PPP2R3A: variants seen among roughly 807,000 people sequenced by gnomAD.
PPP2R3A encodes the protein serine/threonine-protein phosphatase 2A regulatory subunit B'' subunit alpha.
In PPP2R3A, 80 loss-of-function variants were observed where a neutral mutation model predicts 106.9. The observed-to-expected ratio is 0.75, with a 90% CI of 0.62 to 0.90. PPP2R3A has a LOEUF of 0.90. Among genes scored for constraint, PPP2R3A ranks in the 40% least tolerant of loss-of-function variants. The probability of loss-of-function intolerance (pLI) is 0.00; values close to 1 mark genes in which losing one functional copy is unlikely to be tolerated. For synonymous variants in PPP2R3A, 483 were observed against 468.3 expected, an observed-to-expected ratio of 1.03 and a Z score of -0.41; for missense variants, 1,386 against 1,350.4, an observed-to-expected ratio of 1.03 and a Z score of -0.41.
intron 13 of PPP2R3A, among the ~76,000 whole-genome samples, chr3:136,132,392 G>T (rs1246493907): frequency 1.3e-5 from 2 of 152,108 alleles, no homozygotes; most frequent in Non-Finnish European, 2.9e-5. Context: ...AAAGATACCA[G>T]TGCTATTAAG....
chr3:135,984,285 A>G (rs1937577137), intron 1 of PPP2R3A, among the ~76,000 whole-genome samples: 2 of 152,350 alleles, frequency 1.3e-5, no homozygotes, highest in Admixed American at 1.3e-4. Context: ...CTTTGATCTT[A>G]CAGAAACCTG....
At chr3:136,096,061 A>G (rs191431222) in intron 10 of PPP2R3A, among the ~76,000 whole-genome samples, 75 of 152,370 alleles carry the variant, frequency 4.9e-4, no homozygotes, top group Non-Finnish European at 3.2e-4. Context: ...AGCCTACTTT[A>G]TAATAAAGTA....
Position 136,101,863 on chromosome 3 carries a change from A to C in PPP2R3A, c.2928-144A>C. 3 of 947,076 alleles carry C rather than the reference A, an allele frequency of 3.2e-6. No homozygotes were observed. In the East Asian group the frequency reaches 8.3e-5, roughly 26 times the overall value. 58.7% of individuals were successfully genotyped at this position (947,076 alleles called of 1,614,324 possible). On this transcript the variant is annotated intron_variant, in intron 10 of 13. Transcript: ENST00000264977. ...AAATAAAGGGAAGAAGGGGTCCGCCATTTTCTCTAACAAACTTTGTAAAAC... is the reference window on the plus strand; with the variant it reads ...AAATAAAGGGAAGAAGGGGTCCGCCCTTTTCTCTAACAAACTTTGTAAAAC...
At chr3:136,045,867 T>C (rs1935453992) in intron 4 of PPP2R3A, among the ~76,000 whole-genome samples, 1 of 152,082 alleles carries the variant, frequency 6.6e-6, no homozygotes, top group Admixed American at 6.6e-5. Flanking sequence ...GAAAACCCAG[T>C]ACAGGATTCT....
intron 5 of PPP2R3A, among the ~76,000 whole-genome samples, chr3:136,064,332 G>A (rs1936188730): frequency 6.6e-6 from 1 of 151,596 alleles, no homozygotes; most frequent in South Asian, 2.1e-4. Flanking sequence ...ACGAGTTACT[G>A]GGTGCAGCAC....
At chr3:136,111,966 C>T (rs943088433) in intron 13 of PPP2R3A, among the ~76,000 whole-genome samples, 1 of 152,168 alleles carries the variant, frequency 6.6e-6, no homozygotes, top group African/African-American at 2.4e-5. Flanking sequence ...GGCTTTATTC[C>T]TGGGATACGA....
chr3:136,028,332 G>A (rs994313580), intron 3 of PPP2R3A, among the ~76,000 whole-genome samples: 2 of 152,188 alleles, frequency 1.3e-5, no homozygotes, highest in African/African-American at 4.8e-5. Context: ...AAATGAAAAG[G>A]AATTCTTTGT....
chr3:136,070,465 TG>T lies in PPP2R3A; in HGVS notation c.2470-12del, dbSNP rs1936392254. ...ATGTTTGTTAATTTAGTTTTGGTTT[TG>T]ATCTTTTTCAGGATGTGGTGGATAC... On this transcript the variant is annotated splice_polypyrimidine_tract_variant and intron_variant, in intron 5 of 13. Coordinates refer to ENST00000264977, the MANE Select transcript of PPP2R3A (RefSeq NM_002718.5). 1 of 1,585,388 alleles carries T rather than the reference TG, an allele frequency of 6.3e-7. No homozygotes were observed. The highest frequency in any genetic ancestry group is 2.3e-5 in the East Asian group (1 of 43,240).
At chr3:136,009,072 C>G (rs971369465) in intron 2 of PPP2R3A, among the ~76,000 whole-genome samples, 1 of 152,128 alleles carries the variant, frequency 6.6e-6, no homozygotes, top group African/African-American at 2.4e-5. Flanking sequence ...TCCTCTTGCA[C>G]TCTGAATTCA....
chr3:136,125,262 G>T (rs112482757), intron 13 of PPP2R3A, among the ~76,000 whole-genome samples: 5,018 of 152,272 alleles, frequency 0.033, 297 homozygotes, highest in African/African-American at 0.11. Context: ...AGAGGTTGTG[G>T]TGAGCTGAGA....
At chr3:136,079,453 G>A (rs1217176439) in intron 7 of PPP2R3A, among the ~76,000 whole-genome samples, 1 of 147,892 alleles carries the variant, frequency 6.8e-6, no homozygotes, top group Non-Finnish European at 1.5e-5. Context: ...CTCTTGCCCA[G>A]GCTGGAGTGC....
Position 136,038,031 on chromosome 3 carries a change from A to G in PPP2R3A, c.2263-2828A>G, listed in dbSNP as rs116501749. On this transcript the variant is annotated intron_variant, in intron 3 of 13. Transcript: ENST00000264977. ...TCTCTCTTCTATTAATAAAAGTGCTATTTTCTTGCCTTCAGATTAATACCA... is the reference window on the plus strand; with the variant it reads ...TCTCTCTTCTATTAATAAAAGTGCTGTTTTCTTGCCTTCAGATTAATACCA... Among the ~76,000 whole-genome samples, 1,338 of 151,868 alleles carry G rather than the reference A, an allele frequency of 8.8e-3. 12 individuals carry two copies. Among genetic ancestry groups the G allele is most frequent in the Middle Eastern group, 0.024 (7 of 294 alleles).
chr3:136,037,539 A>G (rs755195665), intron 3 of PPP2R3A, among the ~76,000 whole-genome samples: 1 of 152,232 alleles, frequency 6.6e-6, no homozygotes, highest in South Asian at 2.1e-4. Context: ...TCTGGCTGAC[A>G]TAGCACCATC....
intron 4 of PPP2R3A, among the ~76,000 whole-genome samples, chr3:136,043,610 T>G (rs1008540900): frequency 6.6e-6 from 1 of 152,234 alleles, no homozygotes; most frequent in South Asian, 2.1e-4. Context: ...TATATTCTTC[T>G]TATAGTCAGG....
chr3:136,092,645 T>C (rs1032269570), intron 10 of PPP2R3A, among the ~76,000 whole-genome samples: 2 of 152,106 alleles, frequency 1.3e-5, no homozygotes, highest in African/African-American at 4.8e-5. Context: ...AGTAAACAAC[T>C]CTGTGTGGTA....
intron 9 of PPP2R3A, 41 bp downstream of exon 9, chr3:136,087,972 A>G (rs1363047884): frequency 1.3e-6 from 2 of 1,509,680 alleles, no homozygotes; most frequent in African/African-American, 1.4e-5. Context: ...ATGAACTACA[A>G]GTAATACCAT....
chr3:136,068,746 C>A (rs1936338272), intron 5 of PPP2R3A, among the ~76,000 whole-genome samples: 1 of 150,604 alleles, frequency 6.6e-6, no homozygotes, highest in Admixed American at 6.6e-5. Context: ...TGATATTTAT[C>A]TATTATTAAG....
intron 3 of PPP2R3A, among the ~76,000 whole-genome samples, chr3:136,028,757 T>TGAG (rs1376962619): frequency 6.6e-6 from 1 of 152,234 alleles, no homozygotes; most frequent in Non-Finnish European, 1.5e-5. Flanking sequence ...AAGATAAAAT[T>TGAG]TAACAAGGCT....
chr3:136,101,237 C>T (rs951299400), intron 10 of PPP2R3A, among the ~76,000 whole-genome samples: 2 of 151,968 alleles, frequency 1.3e-5, no homozygotes, highest in African/African-American at 4.8e-5. Flanking sequence ...GAATTAGTAG[C>T]AAGTACACAG....
Sources: allele counts gnomAD v4.1 joint callset (sites outside exome capture counted in the v4.1 genomes callset), GRCh38; gene constraint gnomAD v4.1.1; transcripts MANE v1.5; gene names NCBI Gene and HGNC (gene_info 2026-07-23, HGNC 2026-07-21).